Variants in SPATA1 observed in about 807,000 individuals in gnomAD.
The protein encoded by SPATA1 is spermatogenesis associated 1.
SPATA1 carries 57 observed loss-of-function variants against 59.6 expected under a neutral mutation model. That is an observed-to-expected ratio of 0.96 (90% confidence interval 0.77 to 1.19). SPATA1 has a LOEUF of 1.19. SPATA1 is among the 50% of genes most tolerant of loss of function. The pLI is 0.00. For missense variants in SPATA1, 448 were observed against 480.7 expected (o/e 0.93, Z 0.64); for synonymous variants, 147 against 163.9 (o/e 0.90, Z 0.79).
downstream of SPATA1, among the ~76,000 whole-genome samples, chr1:84,558,592 CTTTTT>C (rs1225572144): frequency 6.9e-6 from 1 of 145,562 alleles, no homozygotes; most frequent in Non-Finnish European, 1.5e-5. Context: ...CGCCCGGCCA[CTTTTT>C]TTTAATTAAA....
At position 84,532,969 on chromosome 1, in the gene SPATA1, A is replaced by G. The variant is rs747213030; in HGVS notation, c.654A>G (p.Lys218=). 1.9e-6 allele frequency: 3 copies of G among 1,548,972 alleles called. No homozygotes were observed. The South Asian group carries it at 3.6e-5, about 18-fold the overall frequency. The change falls in exon 7 of 13, where the codon AAA becomes AAG. Residue 218 remains lysine, a synonymous_variant. Transcript: ENST00000490879. ...CAAATAATGATTGCTTTGGCACTAA[A>G]AAAAGGTAATTAGTATAGATGCTGA...
At chr1:84,553,107 C>G (rs778575925) in exon 13 of SPATA1, 2 of 1,503,552 alleles carry the variant, frequency 1.3e-6, no homozygotes, top group Non-Finnish European at 1.8e-6. Flanking sequence ...AATAATACAT[C>G]TCTACAATCT....
chr1:84,521,310 A>G (rs1173771059), intron 3 of SPATA1, among the ~76,000 whole-genome samples: 1 of 152,210 alleles, frequency 6.6e-6, no homozygotes, highest in Non-Finnish European at 1.5e-5. Flanking sequence ...GTTTATATGT[A>G]TGTAGATGTG....
At chr1:84,544,441 G>A in intron 9 of SPATA1, 137 bp downstream of exon 9, 1 of 648,438 alleles carries the variant, frequency 1.5e-6, no homozygotes, top group Non-Finnish European at 2.7e-6. Flanking sequence ...GGTGGTGATG[G>A]TTTCACAACA....
rs1380766570 is a variant in SPATA1, at chr1:84,551,437, GA to G, written c.1224+910del. ...GTCCAACAGAACTTATGTGATGATA[GA>G]AATGTTCTATGCCTGCACTGTCAGA... On this transcript the variant is annotated intron_variant, in intron 12 of 12. Coordinates refer to ENST00000490879, the Ensembl canonical transcript of SPATA1. 8.3e-6 allele frequency: 3 copies of G among 363,034 alleles called. No homozygotes were observed. The East Asian group carries it at 4.9e-4, about 60-fold the overall frequency. 22.5% of individuals were successfully genotyped at this position (363,034 alleles called of 1,614,324 possible). A position where few individuals can be genotyped will look rare whatever the true frequency, so the allele number is the denominator to read the frequency against.
At chr1:84,540,305 G>A (rs12023605) in intron 8 of SPATA1, among the ~76,000 whole-genome samples, 24 of 151,260 alleles carry the variant, frequency 1.6e-4, no homozygotes, top group East Asian at 9.7e-4. Context: ...GGTTTTTTTC[G>A]TCTTGGTATT....
At chr1:84,523,401 G>A (rs1308291355) in intron 4 of SPATA1, among the ~76,000 whole-genome samples, 1 of 152,054 alleles carries the variant, frequency 6.6e-6, no homozygotes, top group Non-Finnish European at 1.5e-5. Context: ...TCTTTAAAAT[G>A]CAGCATATTC....
In SPATA1 at chr1:84,511,655, CTT is replaced by C. The variant is rs771793030; in HGVS notation, c.-137-4554_-137-4553del. On this transcript the variant is annotated intron_variant, in intron 1 of 12. Transcript: ENST00000490879. ...CTGGAGTGCCCTCAGGCATTTCAGG[CTT>C]TTTTTTTTTTTTTCTTTCTTTCTTT... Among the ~76,000 whole-genome samples, 428 of 81,122 alleles carry C rather than the reference CTT, an allele frequency of 5.3e-3. 12 individuals are homozygous for C. Among genetic ancestry groups the C allele is most frequent in the African/African-American group, 0.017 (364 of 21,894 alleles). The allele number at this position is 81,122 out of a possible 152,430, so 53.2% of individuals were successfully genotyped here. A position where few individuals can be genotyped will look rare whatever the true frequency, so the allele number is the denominator to read the frequency against.
chr1:84,544,683 C>T (rs1302212328), intron 9 of SPATA1, among the ~76,000 whole-genome samples: 1 of 151,936 alleles, frequency 6.6e-6, no homozygotes, highest in Non-Finnish European at 1.5e-5. Context: ...GCCTCAGCCT[C>T]CCGAGTAGCT....
intron 4 of SPATA1, among the ~76,000 whole-genome samples, chr1:84,523,620 G>GA (rs1366517924): frequency 6.6e-6 from 1 of 152,102 alleles, no homozygotes; most frequent in Non-Finnish European, 1.5e-5. Context: ...AATGATAATG[G>GA]AAAAAATAGG....
At chr1:84,537,471 T>C (rs1239493020) in intron 8 of SPATA1, among the ~76,000 whole-genome samples, 1 of 152,148 alleles carries the variant, frequency 6.6e-6, no homozygotes, top group East Asian at 1.9e-4. Context: ...AATAACCACA[T>C]GAAGATTCAC....
At chr1:84,560,614 C>T (rs1684576144) in intron 4 of SPATA1, among the ~76,000 whole-genome samples, 1 of 152,134 alleles carries the variant, frequency 6.6e-6, no homozygotes, top group Non-Finnish European at 1.5e-5. Flanking sequence ...GAAGATGATG[C>T]CATTTAAGAC....
At chr1:84,563,850 A>G in intron 4 of SPATA1, 1 of 1,594,682 alleles carries the variant, frequency 6.3e-7, no homozygotes, top group Non-Finnish European at 8.5e-7. Context: ...AGCAGGAGAG[A>G]AAAAGCATAT....
intron 6 of SPATA1, among the ~76,000 whole-genome samples, chr1:84,531,448 C>T (rs1486412645): frequency 1.3e-5 from 2 of 152,114 alleles, no homozygotes; most frequent in African/African-American, 2.4e-5. Flanking sequence ...CAGACATGAG[C>T]CGCCATACCC....
chr1:84,508,156 C>T (rs1432773326), intron 1 of SPATA1, among the ~76,000 whole-genome samples: 2 of 151,940 alleles, frequency 1.3e-5, no homozygotes, highest in East Asian at 3.9e-4. Context: ...GTGCGCGCCA[C>T]CCAGGAGTCC....
chr1:84,513,018 T>TA (rs1354381991), intron 1 of SPATA1, among the ~76,000 whole-genome samples: 9 of 146,608 alleles, frequency 6.1e-5, no homozygotes, highest in African/African-American at 2.4e-4. Context: ...TAGTAATAGG[T>TA]AAAAAATGTG....
chr1:84,514,008 A>AT (rs977640024), intron 1 of SPATA1, among the ~76,000 whole-genome samples: 42 of 151,038 alleles, frequency 2.8e-4, no homozygotes, highest in Non-Finnish European at 1.2e-4. Flanking sequence ...CACCTGGCTC[A>AT]TTTTTTTTGT....
intron 4 of SPATA1, chr1:84,563,392 G>A (rs772777295): frequency 6.3e-7 from 1 of 1,574,934 alleles, no homozygotes; most frequent in Admixed American, 1.9e-5. Flanking sequence ...CCCGGAAAGG[G>A]ACTTTTGCAA....
intron 2 of SPATA1, among the ~76,000 whole-genome samples, chr1:84,516,650 T>A (rs1216972043): frequency 6.6e-6 from 1 of 152,184 alleles, no homozygotes. Flanking sequence ...ATGATTGAGG[T>A]TGGTACCCTC....
Sources: gnomAD v4.1 joint callset for allele counts (sites outside exome capture counted in the v4.1 genomes callset) on GRCh38, gnomAD v4.1.1 for gene constraint, MANE v1.5 for transcripts, NCBI Gene and HGNC (gene_info 2026-07-23, HGNC 2026-07-21) for gene names.